Variants in GFRA2 observed in about 807,000 individuals in gnomAD.
The protein encoded by GFRA2 is GDNF family receptor alpha-2.
In GFRA2, 17 loss-of-function variants were observed where a neutral mutation model predicts 48.3. That is an observed-to-expected ratio of 0.35 (90% CI 0.24 to 0.53). The LOEUF (loss-of-function observed/expected upper bound fraction) is 0.53, where lower values mean the gene tolerates loss of function less well. GFRA2 is among the 20% of genes least tolerant of loss of function. The probability of loss-of-function intolerance (pLI) is 0.93; values close to 1 mark genes in which losing one functional copy is unlikely to be tolerated. For missense variants in GFRA2, 660 were observed against 637.3 expected (o/e 1.04, Z -0.38); for synonymous variants, 305 against 257.2 (o/e 1.19, Z -1.78).
intron 2 of GFRA2, among the ~76,000 whole-genome samples, chr8:21,777,349 G>A (rs902612975): frequency 1.0e-4 from 15 of 148,524 alleles, no homozygotes; most frequent in African/African-American, 3.5e-4. Context: ...CTTCCCTACT[G>A]CATCTAGCGC....
intron 2 of GFRA2, among the ~76,000 whole-genome samples, chr8:21,781,266 G>C (rs573910504): frequency 2.8e-4 from 42 of 152,160 alleles, no homozygotes; most frequent in African/African-American, 1.0e-3. Context: ...GCACAGATCT[G>C]ATCATCGCCC....
intron 7 of GFRA2, among the ~76,000 whole-genome samples, chr8:21,694,807 T>C (rs752213864): frequency 2.0e-5 from 3 of 152,236 alleles, no homozygotes; most frequent in Non-Finnish European, 4.4e-5. Context: ...TCTGTCCATA[T>C]ACTCAGCGCA....
At chr8:21,701,133 G>A (rs778186880) in intron 7 of GFRA2, among the ~76,000 whole-genome samples, 2 of 152,236 alleles carry the variant, frequency 1.3e-5, no homozygotes, top group Non-Finnish European at 2.9e-5. Flanking sequence ...GGGGGCTCAC[G>A]CCTGTAATCC....
chr8:21,756,401 G>A (rs1230662509), intron 3 of GFRA2, among the ~76,000 whole-genome samples: 1 of 152,202 alleles, frequency 6.6e-6, no homozygotes, highest in Non-Finnish European at 1.5e-5. Flanking sequence ...GATGACGGGA[G>A]AAAAGACCCC....
intron 7 of GFRA2, among the ~76,000 whole-genome samples, chr8:21,695,657 G>A (rs533393138): frequency 3.9e-5 from 6 of 152,226 alleles, no homozygotes; most frequent in African/African-American, 7.2e-5. Context: ...AGAAGGGCAC[G>A]TGCTCGACAA....
intron 3 of GFRA2, among the ~76,000 whole-genome samples, chr8:21,765,789 C>T (rs1284756142): frequency 2.8e-5 from 3 of 108,514 alleles, no homozygotes; most frequent in South Asian, 3.7e-4. Flanking sequence ...CTCCTCTCAT[C>T]TTCTCCTTCC....
intron 3 of GFRA2, among the ~76,000 whole-genome samples, chr8:21,763,800 G>T (rs1313858094): frequency 6.6e-6 from 1 of 150,930 alleles, no homozygotes; most frequent in African/African-American, 2.4e-5. Context: ...TCCCTACCCA[G>T]CCTACACTTC....
intron 4 of GFRA2, among the ~76,000 whole-genome samples, chr8:21,744,168 T>C (rs1423813276): frequency 6.6e-6 from 1 of 152,150 alleles, no homozygotes; most frequent in African/African-American, 2.4e-5. Context: ...TGCCTGAAGA[T>C]ACTGAACACC....
In GFRA2 at chr8:21,788,839, C is replaced by CCTCGCTCGCTCTTTGCT. The variant is rs1483214932; in HGVS notation, c.-697_-681dup. The CCTCGCTCGCTCTTTGCT allele has an allele frequency of 1.0e-6, 1 of 974,416 alleles. No homozygotes were observed. The highest frequency in any genetic ancestry group is 1.2e-6 in the Non-Finnish European group (1 of 819,878). The allele number at this position is 974,416 out of a possible 1,614,324, so 60.4% of individuals were successfully genotyped here. On this transcript the variant is annotated 5_prime_UTR_variant, in exon 1 of 9. Transcript: ENST00000524240. ...CTCTCCTCTCTCTCTCTCTCCTCTCCCTCGCTCGCTCTTTGCTCTCGCTCT... is the reference window on the plus strand; with the variant it reads ...CTCTCCTCTCTCTCTCTCTCCTCTCCCTCGCTCGCTCTTTGCTCTCGCTCGCTCTTTGCTCTCGCTCT...
chr8:21,701,715 T>C (rs1046522669), intron 7 of GFRA2, among the ~76,000 whole-genome samples: 1 of 152,074 alleles, frequency 6.6e-6, no homozygotes, highest in East Asian at 1.9e-4. Flanking sequence ...TCCACTGAGA[T>C]CAAACCAAGA....
chr8:21,713,042 A>T (rs1328506854), intron 4 of GFRA2, among the ~76,000 whole-genome samples: 2 of 131,124 alleles, frequency 1.5e-5, no homozygotes, highest in African/African-American at 7.2e-5. Context: ...GAGACGAGGG[A>T]GAGGGAGAGG....
At chr8:21,791,707 C>T (rs1280172904), upstream of GFRA2, among the ~76,000 whole-genome samples, 2 of 152,112 alleles carry the variant, frequency 1.3e-5, no homozygotes, top group South Asian at 2.1e-4. Flanking sequence ...CTACACAAAG[C>T]GGCTAGTACA....
intron 4 of GFRA2, among the ~76,000 whole-genome samples, chr8:21,737,031 T>C (rs1393758770): frequency 6.6e-6 from 1 of 151,816 alleles, no homozygotes; most frequent in Non-Finnish European, 1.5e-5. Context: ...AGAAGGGACC[T>C]AAAAGAGCCC....
chr8:21,750,222 A>G lies in GFRA2; in HGVS notation c.794+366T>C, dbSNP rs2117592294. Among the ~76,000 whole-genome samples, 1 of 152,246 alleles carries G rather than the reference A, an allele frequency of 6.6e-6. No homozygotes were observed. The highest frequency in any genetic ancestry group is 6.5e-5 in the Admixed American group (1 of 15,294). On this transcript the variant is annotated intron_variant, in intron 4 of 8. Coordinates refer to ENST00000524240, the MANE Select transcript of GFRA2 (RefSeq NM_001495.5). The surrounding 1 kb of genome is among the most constrained non-coding windows in gnomAD (Gnocchi z 5.7). ...CTCCTGAGTCGCTGGGATTACAGGC[A>G]TGAGCCACTGCACCCAAAGGTCTCT...
In GFRA2 at chr8:21,693,204, T is replaced by C; in HGVS notation, c.*74A>G. On this transcript the variant is annotated 3_prime_UTR_variant, in exon 9 of 9. Transcript: ENST00000524240. ...TTTGCAAGGTGTGTGTGTGTCTGTG[T>C]GTGTTTCCATTTCGTCAGGCGGCTG... is the stretch of plus-strand genomic sequence containing the variant. 6.8e-7 allele frequency: 1 copy of C among 1,469,656 alleles called. No individual in the cohort carries two copies. The allele number at this position is 1,469,656 out of a possible 1,614,324, so 91.0% of individuals were successfully genotyped here. A position where few individuals can be genotyped will look rare whatever the true frequency, so the allele number is the denominator to read the frequency against.
At chr8:21,720,971 T>G (rs1439970544) in intron 4 of GFRA2, among the ~76,000 whole-genome samples, 2 of 124,820 alleles carry the variant, frequency 1.6e-5, no homozygotes, top group African/African-American at 6.1e-5. Flanking sequence ...TGCCACCGGA[T>G]GGAGGGAGGA....
chr8:21,724,000 T>C (rs1296461643), intron 4 of GFRA2, among the ~76,000 whole-genome samples: 1 of 151,586 alleles, frequency 6.6e-6, no homozygotes, highest in Non-Finnish European at 1.5e-5. Context: ...CAGAGTAGAG[T>C]GTATGGAAAG....
chr8:21,718,548 G>A (rs1166241775), intron 4 of GFRA2, among the ~76,000 whole-genome samples: 1 of 152,188 alleles, frequency 6.6e-6, no homozygotes, highest in Admixed American at 6.5e-5. Context: ...CACTGATGTT[G>A]TGATTAACAT....
intron 7 of GFRA2, among the ~76,000 whole-genome samples, chr8:21,700,935 C>G (rs1351245113): frequency 1.3e-5 from 2 of 152,132 alleles, no homozygotes; most frequent in African/African-American, 4.8e-5. Context: ...CACCACAAAG[C>G]CACTCAATCA....
Sources: allele counts gnomAD v4.1 joint callset (sites outside exome capture counted in the v4.1 genomes callset), GRCh38; gene constraint gnomAD v4.1.1; non-coding constraint Gnocchi (gnomAD v3.1); transcripts MANE v1.5; gene names NCBI Gene and HGNC (gene_info 2026-07-23, HGNC 2026-07-21).